Variants in TIAM1 observed in about 807,000 individuals in gnomAD.
The protein encoded by TIAM1 is TIAM Rac1 associated GEF 1.
A neutral mutation model predicts 163.5 loss-of-function variants in TIAM1; 65 were observed. The ratio of observed to expected loss-of-function variants is 0.40; its 90% CI spans 0.33 to 0.49. TIAM1 has a LOEUF of 0.49. TIAM1 is among the 20% of genes least tolerant of loss of function. The pLI, the probability that TIAM1 is intolerant of heterozygous loss-of-function variation, is 0.77. For missense variants in TIAM1, 1,789 were observed against 2,044.7 expected, an observed-to-expected ratio of 0.87 and a Z score of 2.41; for synonymous variants, 833 against 810.1, an observed-to-expected ratio of 1.03 and a Z score of -0.48.
At chr21:31,362,308 C>T (rs1203472711) in intron 2 of TIAM1, among the ~76,000 whole-genome samples, 1 of 151,962 alleles carries the variant, frequency 6.6e-6, no homozygotes, top group African/African-American at 2.4e-5. Flanking sequence ...CAATTCCAGC[C>T]CAAGGGCACT....
At chr21:31,157,239 T>C (rs2083665208) in intron 16 of TIAM1, among the ~76,000 whole-genome samples, 1 of 152,008 alleles carries the variant, frequency 6.6e-6, no homozygotes, top group Non-Finnish European at 1.5e-5. Context: ...TAAAAACAAG[T>C]TAAGAGAACT....
At chr21:31,298,673 C>T (rs780126540) in intron 2 of TIAM1, among the ~76,000 whole-genome samples, 27 of 151,534 alleles carry the variant, frequency 1.8e-4, no homozygotes, top group Non-Finnish European at 3.2e-4. Flanking sequence ...ACGTGACAGA[C>T]GTCATCCTTG....
chr21:31,220,251 T>C (rs1033136192), intron 8 of TIAM1, among the ~76,000 whole-genome samples: 3 of 152,244 alleles, frequency 2.0e-5, no homozygotes, highest in Non-Finnish European at 4.4e-5. Context: ...CACAAGAATA[T>C]AAGCTTCAAG....
intron 2 of TIAM1, among the ~76,000 whole-genome samples, chr21:31,281,680 G>GTGGATGGA (rs546267553): frequency 1.0e-3 from 154 of 152,156 alleles, no homozygotes; most frequent in African/African-American, 2.4e-3. Context: ...GGACAGATAA[G>GTGGATGGA]TGGATGGATG....
At chr21:31,340,712 T>C (rs2075988116) in intron 1 of TIAM1, among the ~76,000 whole-genome samples, 1 of 151,958 alleles carries the variant, frequency 6.6e-6, no homozygotes, top group African/African-American at 2.4e-5. Context: ...TTTGCCTTCA[T>C]AGAAGCAACC....
At position 31,420,979 on chromosome 21, in the gene TIAM1, G is replaced by A. The variant is rs187495401; in HGVS notation, c.-369+43004C>T. 3.2e-3 allele frequency among the ~76,000 whole-genome samples: 481 copies of A among 151,928 alleles called. 4 individuals are homozygous for A. The highest frequency in any genetic ancestry group is 0.011 in the African/African-American group (453 of 41,406). ...TCTACTAAAAATACAAAAATTAGCC[G>A]GGTATGGTGGCGGGTGCCTGTAATC... On this transcript the variant is annotated intron_variant, in intron 2 of 28. Coordinates refer to the TIAM1 transcript ENST00000286827.
intron 1 of TIAM1, among the ~76,000 whole-genome samples, chr21:31,553,297 T>C (rs2048756694): frequency 6.6e-6 from 1 of 152,204 alleles, no homozygotes; most frequent in African/African-American, 2.4e-5. Context: ...TAGCCCATAT[T>C]ATGCTAAAGA....
At chr21:31,198,691 T>G (rs1776046125) in intron 12 of TIAM1, among the ~76,000 whole-genome samples, 1 of 152,238 alleles carries the variant, frequency 6.6e-6, no homozygotes, top group South Asian at 2.1e-4. Flanking sequence ...TGGCAGTATA[T>G]AACTGTTTGT....
At chr21:31,320,606 A>C (rs2075278441) in intron 2 of TIAM1, among the ~76,000 whole-genome samples, 1 of 152,184 alleles carries the variant, frequency 6.6e-6, no homozygotes, top group South Asian at 2.1e-4. Context: ...GTGGTATCAG[A>C]AGCTTAGGTC....
chr21:31,141,613 G>A lies in TIAM1; in HGVS notation c.3476-109C>T. ...CCAAGGTGCCTTTTTGCAGGACTGA[G>A]CAGAGAGTGGGTGGCAGGAAGAGGG... On this transcript the variant is annotated intron_variant, in intron 20 of 27. Coordinates refer to ENST00000541036, the MANE Select transcript of TIAM1 (RefSeq NM_001353694.2). The surrounding 1 kb of genome is among the most constrained non-coding windows in gnomAD (Gnocchi z 4.7). 7.9e-7 allele frequency: 1 copy of A among 1,270,946 alleles called. No homozygotes were observed. Among genetic ancestry groups the A allele is most frequent in the Non-Finnish European group, 1.1e-6 (1 of 909,402 alleles). The allele number at this position is 1,270,946 out of a possible 1,614,324, so 78.7% of individuals were successfully genotyped here.
At chr21:31,210,547 A>AAAGAAAGAAAGAAAGG (rs2086676242) in intron 10 of TIAM1, among the ~76,000 whole-genome samples, 1 of 99,010 alleles carries the variant, frequency 1.0e-5, no homozygotes, top group Non-Finnish European at 1.9e-5. Context: ...AGAAAGAAAG[A>AAAGAAAGAAAGAAAGG]AAGAAAGAAA....
At chr21:31,121,863 C>G (rs1046791105) in intron 27 of TIAM1, among the ~76,000 whole-genome samples, 1 of 152,218 alleles carries the variant, frequency 6.6e-6, no homozygotes, top group Non-Finnish European at 1.5e-5. Context: ...AAGGCTTCTG[C>G]TTCTCCCTCG....
At chr21:31,189,467 A>G (rs1161091405) in intron 13 of TIAM1, among the ~76,000 whole-genome samples, 3 of 152,152 alleles carry the variant, frequency 2.0e-5, no homozygotes, top group African/African-American at 4.8e-5. Context: ...CTGGGTAAAA[A>G]GACTAGGTCT....
At chr21:31,433,287 T>G (rs776153072) in intron 2 of TIAM1, among the ~76,000 whole-genome samples, 2 of 152,238 alleles carry the variant, frequency 1.3e-5, no homozygotes, top group South Asian at 2.1e-4. Context: ...TTTAGAGCTA[T>G]GCAGAAGAGC....
At chr21:31,148,956 C>CTTTTT (rs869158026) in intron 19 of TIAM1, among the ~76,000 whole-genome samples, 5 of 28,840 alleles carry the variant, frequency 1.7e-4, no homozygotes, top group African/African-American at 3.7e-4. Context: ...ACAAGTTTTT[C>CTTTTT]TTTTTCTTTT....
At chr21:31,209,581 C>T (rs539747588) in intron 11 of TIAM1, among the ~76,000 whole-genome samples, 1 of 152,306 alleles carries the variant, frequency 6.6e-6, no homozygotes, top group African/African-American at 2.4e-5. Context: ...GTATCGGTTA[C>T]TGATTAAAGA....
intron 13 of TIAM1, among the ~76,000 whole-genome samples, chr21:31,193,376 T>C (rs182600799): frequency 1.8e-4 from 28 of 152,234 alleles, no homozygotes; most frequent in African/African-American, 6.3e-4. Context: ...GGAATTTTGG[T>C]GCATGCTAGG....
At chr21:31,438,179 CTTTTTTTTTTTTTTT>C (rs34844399) in intron 2 of TIAM1, among the ~76,000 whole-genome samples, 5,965 of 63,076 alleles carry the variant, frequency 0.095, 335 homozygotes, top group East Asian at 0.31. Context: ...TATTTGTGAT[CTTTTTTTTTTTTTTT>C]TTTTTTTTTT....
intron 2 of TIAM1, among the ~76,000 whole-genome samples, chr21:31,441,420 G>A (rs1035267142): frequency 2.0e-5 from 3 of 152,184 alleles, no homozygotes; most frequent in African/African-American, 4.8e-5. Context: ...ATGTGAGTGG[G>A]AAAGATGTGT....
Sources: gnomAD v4.1 joint callset for allele counts (sites outside exome capture counted in the v4.1 genomes callset) on GRCh38, gnomAD v4.1.1 for gene constraint, Gnocchi (gnomAD v3.1) non-coding constraint, MANE v1.5 for transcripts, NCBI Gene and HGNC (gene_info 2026-07-23, HGNC 2026-07-21) for gene names.